The following ATXN2L variants were observed in gnomAD, a reference collection of about 807,000 sequenced individuals.
ATXN2L encodes the protein ataxin-2-like protein.
Under a neutral mutation model 120.7 loss-of-function variants are expected in ATXN2L, and 24 were observed. The ratio of observed to expected loss-of-function variants is 0.20; its 90% CI spans 0.14 to 0.28. ATXN2L has a LOEUF of 0.28. Ranked by LOEUF, ATXN2L falls within the 10% of genes least tolerant of loss-of-function variation. The probability of loss-of-function intolerance (pLI) is 1.00; values close to 1 mark genes in which losing one functional copy is unlikely to be tolerated. For missense variants in ATXN2L, 1,312 were observed against 1,432.3 expected (o/e 0.92, Z 1.36); for synonymous variants, 653 against 568.1 (o/e 1.15, Z -2.13).
At chr16:28,830,814 G>A in intron 9 of ATXN2L, 24 bp downstream of exon 9, 1 of 1,572,680 alleles carries the variant, frequency 6.4e-7, no homozygotes. Flanking sequence ...TGACTTTGAG[G>A]AAGAGGGCAG....
At position 28,833,912 on chromosome 16, in the gene ATXN2L, C is replaced by T; in HGVS notation, c.2026-153C>T. On this transcript the variant is annotated intron_variant, in intron 15 of 21. Transcript: ENST00000336783. ...TCACCTGTAACTTTAGAATACTCAT[C>T]TCCTCATAGGGTTTAATGTGAGGCT... 6.9e-6 allele frequency: 6 copies of T among 870,780 alleles called. No homozygotes were observed. In the South Asian group the frequency reaches 7.1e-5, roughly 10 times the overall value. The allele number at this position is 870,780 out of a possible 1,614,324, so 53.9% of individuals were successfully genotyped here. A position where few individuals can be genotyped will look rare whatever the true frequency, so the allele number is the denominator to read the frequency against.
At position 28,823,975 on chromosome 16, in the gene ATXN2L, G is replaced by A. The variant is rs189488568; in HGVS notation, c.299+417G>A. 196 of 438,594 alleles carry A rather than the reference G, an allele frequency of 4.5e-4. 2 individuals carry two copies. Among genetic ancestry groups the A allele is most frequent in the African/African-American group, 4.1e-3 (191 of 46,934 alleles). 27.2% of individuals were successfully genotyped at this position (438,594 alleles called of 1,614,324 possible). ...GGTCCCCGGCCGTAGCCAATGGAGGGGGGCGCGCGGCCCACAGTTTGGCCA... is the reference window on the plus strand; with the variant it reads ...GGTCCCCGGCCGTAGCCAATGGAGGAGGGCGCGCGGCCCACAGTTTGGCCA... On this transcript the variant is annotated intron_variant, in intron 1 of 21. Transcript: ENST00000336783.
intron 1 of ATXN2L, among the ~76,000 whole-genome samples, chr16:28,825,088 G>T (rs1040353350): frequency 1.3e-5 from 2 of 150,442 alleles, no homozygotes; most frequent in Admixed American, 6.6e-5. Context: ...GTGGTGGTTC[G>T]TACCTATAGT....
chr16:28,825,018 T>A (rs911633680), intron 1 of ATXN2L, among the ~76,000 whole-genome samples: 1 of 150,866 alleles, frequency 6.6e-6, no homozygotes, highest in African/African-American at 2.4e-5. Context: ...GATACCAGCC[T>A]GGGCAACACA....
intron 1 of ATXN2L, 32 bp from the exon 2 acceptor site, chr16:28,825,334 A>G: frequency 1.2e-6 from 2 of 1,611,024 alleles, no homozygotes; most frequent in Non-Finnish European, 1.7e-6. Flanking sequence ...GGGCTTGAAC[A>G]GACTTAAGTA....
At chr16:28,827,017 C>G (rs759977070) in intron 6 of ATXN2L, 31 bp downstream of exon 6, 31 of 1,416,242 alleles carry the variant, frequency 2.2e-5, no homozygotes, top group Non-Finnish European at 2.6e-5. Flanking sequence ...AACTTGGGAG[C>G]TGGACAGACA....
chr16:28,834,861 T>TA, intron 18 of ATXN2L, 168 bp downstream of exon 18: 1 of 1,142,846 alleles, frequency 8.8e-7, no homozygotes, highest in Non-Finnish European at 1.2e-6. Flanking sequence ...GCTCTGGTGG[T>TA]ACCTGTAACA....
intron 10 of ATXN2L, 43 bp downstream of exon 10, chr16:28,831,115 T>G (rs1353573483): frequency 7.9e-7 from 1 of 1,271,028 alleles, no homozygotes; most frequent in Non-Finnish European, 1.1e-6. Context: ...GATGGAAATT[T>G]GTAAAGAGAT....
intron 1 of ATXN2L, chr16:28,824,674 A>C: frequency 1.0e-6 from 1 of 985,662 alleles, no homozygotes; most frequent in Non-Finnish European, 1.3e-6. Context: ...AATGTACCTG[A>C]GCTAGGTAGT....
intron 6 of ATXN2L, among the ~76,000 whole-genome samples, chr16:28,828,715 C>G (rs2053201157): frequency 6.6e-6 from 1 of 151,806 alleles, no homozygotes; most frequent in African/African-American, 2.4e-5. Flanking sequence ...TGCTCTGTTG[C>G]CCGGGTTTTT....
intron 18 of ATXN2L, 164 bp from the exon 19 acceptor site, chr16:28,834,894 T>G (rs888210171): frequency 1.7e-6 from 2 of 1,175,522 alleles, no homozygotes; most frequent in Non-Finnish European, 2.3e-6. Context: ...TCTGTATCTC[T>G]GAAGTGTAGA....
In ATXN2L at chr16:28,830,735, C is replaced by T; in HGVS notation, c.1155C>T (p.His385=). Reference sequence around the variant, plus strand: ...GCTCTTTGCCACCTCGTGGCCCTCACCATCTGGACAACAGCAGCCCTGGCC... The same window carrying T: ...GCTCTTTGCCACCTCGTGGCCCTCATCATCTGGACAACAGCAGCCCTGGCC... The part of the protein sequence containing the change: ...GLSSLPPRGP[H]HLDNSSPGPG... Residue 385 remains histidine, a synonymous_variant, in exon 9 of 22, where the codon CAC becomes CAT. Transcript: ENST00000336783. 6.2e-7 allele frequency: 1 copy of T among 1,613,420 alleles called. No individual in the cohort carries two copies. Among genetic ancestry groups the T allele is most frequent in the Non-Finnish European group, 8.5e-7 (1 of 1,179,784 alleles).
Position 28,832,479 on chromosome 16 carries a change from T to A in ATXN2L, c.1517-17T>A. On this transcript the variant is annotated splice_polypyrimidine_tract_variant and intron_variant, in intron 11 of 21. Coordinates refer to ENST00000336783, the MANE Select transcript of ATXN2L (RefSeq NM_007245.4). ...CTGGACAGAAGGACCTTTAGGCATT[T>A]CTCTTTACTTGAACAGTAAAAGAAC... 1 of 1,613,820 alleles carries A rather than the reference T, an allele frequency of 6.2e-7. No homozygotes were observed. Among genetic ancestry groups the A allele is most frequent in the Non-Finnish European group, 8.5e-7 (1 of 1,179,714 alleles).
chr16:28,826,739 A>G lies in ATXN2L; in HGVS notation c.617-123A>G, dbSNP rs764728173. The G allele has an allele frequency of 5.0e-5, 61 of 1,223,102 alleles. 1 individual carries two copies. Among genetic ancestry groups the G allele is most frequent in the Non-Finnish European group, 6.6e-5 (60 of 912,036 alleles). 75.8% of individuals were successfully genotyped at this position (1,223,102 alleles called of 1,614,324 possible). A position where few individuals can be genotyped will look rare whatever the true frequency, so the allele number is the denominator to read the frequency against. ...CCCCTGGCCATCCTAACACACGGGC[A>G]CACGTACTCTGGACTTCTTAAACTT... On this transcript the variant is annotated intron_variant, in intron 5 of 21. Coordinates refer to ENST00000336783, the MANE Select transcript of ATXN2L (RefSeq NM_007245.4).
In ATXN2L at chr16:28,833,206, G is replaced by A. The variant is rs756065665; in HGVS notation, c.1807G>A (p.Val603Ile). 22 of 1,614,094 alleles carry A rather than the reference G, an allele frequency of 1.4e-5. No individual in the cohort carries two copies. Among genetic ancestry groups the A allele is most frequent in the South Asian group, 3.3e-5 (3 of 91,088 alleles). The stretch of plus-strand genomic sequence containing the variant: ...TCCCGTCTCCTCCAAGACAGAGTCC[G>A]TATCGGATAAGGAGGACAAACCACC... ...GSPVSSKTES[V>I]SDKEDKPPLA... The change falls in exon 14 of 22, where the codon GTA (valine) becomes ATA (isoleucine). Residue 603 changes from valine to isoleucine, a missense_variant. Transcript: ENST00000336783.
rs773569552 is a variant in ATXN2L, at chr16:28,834,364, C to T, written c.2194C>T (p.Pro732Ser). 2.6e-5 allele frequency: 42 copies of T among 1,613,902 alleles called. No individual in the cohort carries two copies. The highest frequency in any genetic ancestry group is 3.3e-5 in the Admixed American group (2 of 60,000). Residue 732 changes from proline (P) to serine (S), a missense_variant, in exon 17 of 22, where the codon CCT becomes TCT. Transcript: ENST00000336783. ...CCAGGCACCTCAGATGTATCCATAT[C>T]CTGTATCCAATTCAGTGCCTGGGCA... ...AVQAPQMYPYPVSNSVPGQQG... is the reference protein window; with the variant it reads ...AVQAPQMYPYSVSNSVPGQQG...
intron 11 of ATXN2L, 25 bp from the exon 12 acceptor site, chr16:28,832,471 T>G: frequency 6.2e-7 from 1 of 1,613,306 alleles, no homozygotes; most frequent in Non-Finnish European, 8.5e-7. Flanking sequence ...GAAGGACCTT[T>G]AGGCATTTCT....
Position 28,836,844 on chromosome 16 carries a change from C to A in ATXN2L, c.*579C>A. On this transcript the variant is annotated 3_prime_UTR_variant, in exon 22 of 22. Transcript: ENST00000336783. Reference sequence around the variant, plus strand: ...GAAGAGTGATCTATGTCTCTTCCCCCAGCAGCTCGGACCACTCCCAGCCCC... The same window carrying A: ...GAAGAGTGATCTATGTCTCTTCCCCAAGCAGCTCGGACCACTCCCAGCCCC... 6.3e-7 allele frequency: 1 copy of A among 1,594,522 alleles called. No homozygotes were observed. The highest frequency in any genetic ancestry group is 8.6e-7 in the Non-Finnish European group (1 of 1,164,932).
intron 6 of ATXN2L, among the ~76,000 whole-genome samples, chr16:28,827,677 G>A (rs931687031): frequency 2.0e-5 from 3 of 152,184 alleles, no homozygotes. Context: ...GGAGTTTGAG[G>A]CTGCTGTAAG....
Sources: gnomAD v4.1 joint callset for allele counts (sites outside exome capture counted in the v4.1 genomes callset) on GRCh38, gnomAD v4.1.1 for gene constraint, MANE v1.5 for transcripts, NCBI Gene and HGNC (gene_info 2026-07-23, HGNC 2026-07-21) for gene names.